Variants in LPAR3 observed in about 807,000 individuals in gnomAD.
LPAR3 encodes the protein LPA receptor 3.
Under a neutral mutation model 17.8 loss-of-function variants are expected in LPAR3, and 7 were observed. The ratio of observed to expected loss-of-function variants is 0.39; its 90% confidence interval spans 0.22 to 0.74. LPAR3 has a LOEUF of 0.74. LPAR3 is among the 30% of genes least tolerant of loss of function. The pLI is 0.40. For missense variants in LPAR3, 391 were observed against 453.4 expected (o/e 0.86, Z 1.25); for synonymous variants, 179 against 179.9 (o/e 0.99, Z 0.04).
chr1:84,836,006 CTTTT>C (rs34491570), intron 2 of LPAR3, among the ~76,000 whole-genome samples: 6 of 61,742 alleles, frequency 9.7e-5, no homozygotes, highest in African/African-American at 2.6e-4. Context: ...CAACCCCGGC[CTTTT>C]TTTTTTTTTT....
At chr1:84,843,181 C>T (rs186510364) in intron 2 of LPAR3, among the ~76,000 whole-genome samples, 4 of 152,308 alleles carry the variant, frequency 2.6e-5, no homozygotes, top group African/African-American at 9.6e-5. Flanking sequence ...CCTGTCTTCA[C>T]CTTCACATTT....
chr1:84,872,503 AG>A (rs1413267411), intron 1 of LPAR3, among the ~76,000 whole-genome samples: 1 of 152,212 alleles, frequency 6.6e-6, no homozygotes, highest in Non-Finnish European at 1.5e-5. Context: ...ACTTCAAAAG[AG>A]GGACCCAATG....
chr1:84,876,784 T>G (rs1220299222), intron 1 of LPAR3, among the ~76,000 whole-genome samples: 12 of 152,248 alleles, frequency 7.9e-5, no homozygotes, highest in Admixed American at 7.8e-4. Context: ...TTTTCTTAAA[T>G]ATTTTAGAAT....
Position 84,880,386 on chromosome 1 carries a change from C to T in LPAR3, c.-19+12630G>A, listed in dbSNP as rs78165406. ...GAAAGGAATGGACAGTGTCCAGAAA[C>T]GGAGGGCCTTGGAGAATCAGAAAAG... On this transcript the variant is annotated intron_variant, in intron 1 of 2. Transcript: ENST00000370611. 1.7e-3 allele frequency among the ~76,000 whole-genome samples: 255 copies of T among 152,300 alleles called. 2 individuals are homozygous for T. The highest frequency in any genetic ancestry group is 0.01 in the Middle Eastern group (3 of 294).
At chr1:84,868,912 A>C (rs1660105542) in intron 1 of LPAR3, among the ~76,000 whole-genome samples, 1 of 152,194 alleles carries the variant, frequency 6.6e-6, no homozygotes, top group Non-Finnish European at 1.5e-5. Flanking sequence ...ACCACATGGG[A>C]AAATTTAATA....
intron 2 of LPAR3, among the ~76,000 whole-genome samples, chr1:84,832,157 C>T (rs1329368725): frequency 6.6e-6 from 1 of 152,140 alleles, no homozygotes; most frequent in Non-Finnish European, 1.5e-5. Flanking sequence ...CAGTGCTGTA[C>T]TGCCGATCCA....
intron 2 of LPAR3, among the ~76,000 whole-genome samples, chr1:84,859,262 C>T (rs1659889107): frequency 6.6e-6 from 1 of 152,170 alleles, no homozygotes. Flanking sequence ...AGCATGAGAA[C>T]TTGAGCTATC....
chr1:84,850,393 C>CAAAAAAAAAAAAAAAAAAAAA (rs561506398), intron 2 of LPAR3, among the ~76,000 whole-genome samples: 1 of 38,736 alleles, frequency 2.6e-5, no homozygotes, highest in Non-Finnish European at 4.8e-5. Flanking sequence ...TCTGTCTCTA[C>CAAAAAAAAAAAAAAAAAAAAA]AAAAAAAAAA....
intron 1 of LPAR3, among the ~76,000 whole-genome samples, chr1:84,892,541 A>C (rs540268890): frequency 6.6e-6 from 1 of 152,386 alleles, no homozygotes; most frequent in Non-Finnish European, 1.5e-5. Context: ...ACATGGTTCA[A>C]GCTGTTCCCC....
At chr1:84,856,459 C>T (rs1413985818) in intron 2 of LPAR3, among the ~76,000 whole-genome samples, 1 of 152,208 alleles carries the variant, frequency 6.6e-6, no homozygotes, top group Non-Finnish European at 1.5e-5. Flanking sequence ...ACATTGAAAG[C>T]AGGCTTCTGT....
At chr1:84,838,202 T>C (rs1421136593) in intron 2 of LPAR3, among the ~76,000 whole-genome samples, 2 of 152,202 alleles carry the variant, frequency 1.3e-5, no homozygotes, top group Admixed American at 6.5e-5. Flanking sequence ...TGAGGATCAC[T>C]GTTGCCAACA....
intron 1 of LPAR3, among the ~76,000 whole-genome samples, chr1:84,875,020 C>A (rs1660229677): frequency 6.6e-6 from 1 of 151,980 alleles, no homozygotes; most frequent in South Asian, 2.1e-4. Context: ...CTGCTTCAGC[C>A]TCCTGAGTGG....
At chr1:84,861,504 G>T (rs1414427020) in intron 2 of LPAR3, among the ~76,000 whole-genome samples, 1 of 152,126 alleles carries the variant, frequency 6.6e-6, no homozygotes, top group East Asian at 1.9e-4. Context: ...TTTGTAACTT[G>T]TAAAGAACTT....
chr1:84,838,790 G>T (rs1316850649), intron 2 of LPAR3, among the ~76,000 whole-genome samples: 1 of 152,164 alleles, frequency 6.6e-6, no homozygotes, highest in Non-Finnish European at 1.5e-5. Flanking sequence ...ACAGGCAGGT[G>T]TTCATGACTT....
intron 1 of LPAR3, among the ~76,000 whole-genome samples, chr1:84,873,841 C>T (rs1660204658): frequency 6.6e-6 from 1 of 152,036 alleles, no homozygotes; most frequent in Non-Finnish European, 1.5e-5. Context: ...CAGCCTCCGC[C>T]TCCCGGGTTC....
chr1:84,817,616 T>C (rs1658965452), intron 2 of LPAR3, among the ~76,000 whole-genome samples: 1 of 152,152 alleles, frequency 6.6e-6, no homozygotes, highest in African/African-American at 2.4e-5. Context: ...CCACCTAGTA[T>C]GTTTGTGCTG....
Position 84,813,159 on chromosome 1 carries a change from A to ATATATATATATG in LPAR3, c.*686_*687insCATATATATATA, listed in dbSNP as rs59691846. ...TATATATATATATATATATATATAT[A>ATATATATATATG]GACACACACACACACACACACACAC... On this transcript the variant is annotated 3_prime_UTR_variant, in exon 3 of 3. Transcript: ENST00000370611. 1.5e-4 allele frequency: 15 copies of ATATATATATATG among 97,556 alleles called. No homozygotes were observed. The highest frequency in any genetic ancestry group is 3.4e-4 in the African/African-American group (9 of 26,126). 6.0% of individuals were successfully genotyped at this position (97,556 alleles called of 1,614,324 possible). A position where few individuals can be genotyped will look rare whatever the true frequency, so the allele number is the denominator to read the frequency against.
intron 2 of LPAR3, among the ~76,000 whole-genome samples, chr1:84,821,890 G>C (rs1261331120): frequency 2.6e-5 from 4 of 152,156 alleles, no homozygotes; most frequent in African/African-American, 9.7e-5. Flanking sequence ...AGGAGGGACA[G>C]GTTTAAGAGG....
intron 2 of LPAR3, among the ~76,000 whole-genome samples, chr1:84,852,154 G>A (rs114500694): frequency 0.016 from 2,382 of 150,242 alleles, 21 homozygotes; most frequent in South Asian, 0.054. Context: ...GGGCCCAAGC[G>A]ATTTTCCTGC....
Sources: gnomAD v4.1 joint callset for allele counts (sites outside exome capture counted in the v4.1 genomes callset) on GRCh38, gnomAD v4.1.1 for gene constraint, MANE v1.5 for transcripts, NCBI Gene and HGNC (gene_info 2026-07-23, HGNC 2026-07-21) for gene names.